KRT33B: variants seen among roughly 807,000 people sequenced by gnomAD.
KRT33B encodes keratin 33B.
A neutral mutation model predicts 42.7 loss-of-function variants in KRT33B; 37 were observed. The observed-to-expected ratio is 0.87, with a 90% CI of 0.67 to 1.14. KRT33B has a LOEUF of 1.14. KRT33B is among the 50% of genes most tolerant of loss of function. KRT33B has a pLI of 0.00. For missense variants in KRT33B, 523 were observed against 515.1 expected, an observed-to-expected ratio of 1.02 and a Z score of -0.15; for synonymous variants, 237 against 221.2, an observed-to-expected ratio of 1.07 and a Z score of -0.63.
intron 2 of KRT33B, among the ~76,000 whole-genome samples, chr17:41,367,299 G>A (rs2017712963): frequency 6.6e-6 from 1 of 151,344 alleles, no homozygotes; most frequent in Admixed American, 6.6e-5. Flanking sequence ...TCTTTTTGGG[G>A]GGTTGACAGT....
chr17:41,369,291 T>C, intron 1 of KRT33B, 112 bp downstream of exon 1: 2 of 1,402,044 alleles, frequency 1.4e-6, no homozygotes, highest in Non-Finnish European at 9.6e-7. Flanking sequence ...TGAATCTATG[T>C]CTTTATCATT....
intron 3 of KRT33B, 63 bp downstream of exon 3, chr17:41,366,407 T>C: frequency 5.7e-6 from 9 of 1,587,362 alleles, no homozygotes; most frequent in Non-Finnish European, 6.9e-6. Context: ...AAATCCTACC[T>C]TATCCTATTC....
rs2017675299 is a variant in KRT33B at position 41,364,920 on chromosome 17, GTGATCAGGCTC to G, written c.945_955del (p.Gln315HisfsTer13). The G allele has an allele frequency of 6.2e-7, 1 of 1,613,326 alleles. No homozygotes were observed. Among genetic ancestry groups the G allele is most frequent in the Non-Finnish European group, 8.5e-7 (1 of 1,180,056 alleles). The stretch of plus-strand genomic sequence containing the variant: ...CTCCGCCAGCTGGGACTCCACGTTG[GTGATCAGGCTC>G]TGCACCTGGGACAGCTGGGAGCTGT... On this transcript the variant is annotated frameshift_variant, in exon 6 of 7. Transcript: ENST00000251646. LOFTEE classifies it high-confidence loss of function.
intron 2 of KRT33B, among the ~76,000 whole-genome samples, chr17:41,367,254 T>A (rs542131884): frequency 1.3e-5 from 2 of 151,528 alleles, no homozygotes; most frequent in East Asian, 3.9e-4. Flanking sequence ...TGAAAGGCAA[T>A]GGATTTTGCC....
chr17:41,368,093 G>C, intron 1 of KRT33B, 103 bp from the exon 2 acceptor site: 1 of 1,095,842 alleles, frequency 9.1e-7, no homozygotes, highest in Admixed American at 1.8e-5. Context: ...AAATAGCTTT[G>C]AGTCCTTTCA....
At position 41,369,753 on chromosome 17, in the gene KRT33B, T is replaced by A; in HGVS notation, c.-3A>T. 6.2e-7 allele frequency: 1 copy of A among 1,612,332 alleles called. No individual in the cohort carries two copies. Among genetic ancestry groups the A allele is most frequent in the Non-Finnish European group, 8.5e-7 (1 of 1,178,834 alleles). ...GGCAGGCAGAAGTTGTAGGGCATGG[T>A]GCAGGGAGGCAGTGGAGCTCTGGAA... On this transcript the variant is annotated 5_prime_UTR_variant, in exon 1 of 7. Transcript: ENST00000251646.
Position 41,364,839 on chromosome 17 carries a change from C to G in KRT33B, c.1037G>C (p.Arg346Pro), listed in dbSNP as rs777408710. ...GTTGATCTCACACTCCAGCCGCGCC[C>G]GCACGTCCAGCAGCACCTGATACTC... ...NQEYQVLLDVRARLECEINTY... is the reference protein window; with the variant it reads ...NQEYQVLLDVPARLECEINTY... Residue 346 changes from arginine (R) to proline (P), a missense_variant, in exon 6 of 7, where the codon CGG becomes CCG. Coordinates refer to ENST00000251646, the MANE Select transcript of KRT33B (RefSeq NM_002279.5). 7 of 1,612,620 alleles carry G rather than the reference C, an allele frequency of 4.3e-6. No individual in the cohort carries two copies. Among genetic ancestry groups the G allele is most frequent in the Non-Finnish European group, 5.1e-6 (6 of 1,179,950 alleles).
intron 2 of KRT33B, 32 bp from the exon 3 acceptor site, chr17:41,366,658 CA>C (rs376556140): frequency 0.045 from 44,221 of 978,786 alleles, 188 homozygotes; most frequent in South Asian, 0.081. Context: ...AAAAGAGGTC[CA>C]AAAAAAAAAA....
At chr17:41,365,136 A>C in intron 5 of KRT33B, 39 bp downstream of exon 5, 1 of 1,609,840 alleles carries the variant, frequency 6.2e-7, no homozygotes, top group East Asian at 2.2e-5. Flanking sequence ...CTGCCTCCCA[A>C]GTTCCCATCG....
At chr17:41,366,134 G>A (rs1411810431) in intron 3 of KRT33B, among the ~76,000 whole-genome samples, 1 of 151,104 alleles carries the variant, frequency 6.6e-6, no homozygotes, top group Non-Finnish European at 1.5e-5. Flanking sequence ...GTGTAAGAAT[G>A]TTTTCTATCT....
chr17:41,365,231 C>T lies in KRT33B; in HGVS notation c.820G>A (p.Glu274Lys). Reference protein sequence around the residue: ...QLQSYQAEIIELRRTVNALEI... With the variant: ...QLQSYQAEIIKLRRTVNALEI... ...AGGGCATTGACTGTGCGTCTCAGCT[C>T]GATGATCTCCGCCTGGTAGGACTGC... The change falls in exon 5 of 7, where the codon GAG becomes AAG. Residue 274 changes from glutamate (E) to lysine (K), a missense_variant. Glu to Lys is a moderately conservative substitution (Grantham distance 56). Coordinates refer to ENST00000251646, the MANE Select transcript of KRT33B (RefSeq NM_002279.5). 3 of 1,612,008 alleles carry T rather than the reference C, an allele frequency of 1.9e-6. No individual in the cohort carries two copies. The South Asian group carries it at 3.3e-5, about 18-fold the overall frequency.
rs1343961258 is a variant in KRT33B at position 41,364,850 on chromosome 17, C to A, written c.1026G>T (p.Leu342=). ...LERQNQEYQV[L]LDVRARLECE... is the part of the protein sequence containing the mutation. ...ACTCCAGCCGCGCCCGCACGTCCAG[C>A]AGCACCTGATACTCCTGGTTCTGCC... The change falls in exon 6 of 7, where the codon CTG becomes CTT. Residue 342 remains leucine, a synonymous_variant. Transcript: ENST00000251646. The A allele has an allele frequency of 6.2e-7, 1 of 1,613,228 alleles. No individual in the cohort carries two copies. Among genetic ancestry groups the A allele is most frequent in the East Asian group, 2.2e-5 (1 of 44,872 alleles).
intron 3 of KRT33B, among the ~76,000 whole-genome samples, chr17:41,366,194 A>G (rs2017698634): frequency 6.6e-6 from 1 of 151,276 alleles, no homozygotes; most frequent in Admixed American, 6.6e-5. Context: ...AGAAGCTAAT[A>G]GATAGCATCA....
rs780901771 is a variant in KRT33B at position 41,364,929 on chromosome 17, C to T, written c.947G>A (p.Ser316Asn). Reference sequence around the variant, plus strand: ...CTGGGACTCCACGTTGGTGATCAGGCTCTGCACCTGGGACAGCTGGGAGCT... The same window carrying T: ...CTGGGACTCCACGTTGGTGATCAGGTTCTGCACCTGGGACAGCTGGGAGCT... ...RYSSQLSQVQ[S>N]LITNVESQLA... The change falls in exon 6 of 7, where the codon AGC (serine) becomes AAC (asparagine). Residue 316 changes from serine (S) to asparagine (N), a missense_variant. Ser to Asn is a conservative substitution (Grantham distance 46, BLOSUM62 1). Coordinates refer to ENST00000251646, the MANE Select transcript of KRT33B (RefSeq NM_002279.5). 6.2e-6 allele frequency: 10 copies of T among 1,613,448 alleles called. No homozygotes were observed. The East Asian group carries it at 2.2e-4, about 36-fold the overall frequency.
rs781502991 is a variant in KRT33B at position 41,369,574 on chromosome 17, A to G, written c.177T>C (p.Thr59=). The G allele has an allele frequency of 5.6e-6, 9 of 1,613,682 alleles. No individual in the cohort carries two copies. In the African/African-American group the frequency reaches 8.0e-5, roughly 14 times the overall value. ...CCAGGCGGTCGTTCAGGAACTGCAT[A>G]GTCTCCTTCTCGCTGCCATTGAAGG... ...EGSFNGSEKE[T]MQFLNDRLAS... Residue 59 remains threonine (T), a synonymous_variant, in exon 1 of 7, where the codon ACT becomes ACC. Coordinates refer to ENST00000251646, the MANE Select transcript of KRT33B (RefSeq NM_002279.5).
chr17:41,367,984 A>C lies in KRT33B; in HGVS notation c.355T>G (p.Cys119Gly), dbSNP rs765093351. The change falls in exon 2 of 7, where the codon TGC (cysteine) becomes GGC (glycine). Residue 119 changes from cysteine (C) to glycine (G), a missense_variant. Physicochemically the swap from Cys to Gly is radical, Grantham distance 159. Coordinates refer to ENST00000251646, the MANE Select transcript of KRT33B (RefSeq NM_002279.5). ...AGCCTGGCATTCTCAGACTTGCTGCACAGGATCTGGGGATAGGATTAATCA... is the reference window on the plus strand; with the variant it reads ...AGCCTGGCATTCTCAGACTTGCTGCCCAGGATCTGGGGATAGGATTAATCA... Reference protein sequence around the residue: ...TIEELQQKILCSKSENARLVV... With the variant: ...TIEELQQKILGSKSENARLVV... 1.9e-6 allele frequency: 3 copies of C among 1,613,092 alleles called. No homozygotes were observed. The South Asian group carries it at 3.3e-5, about 18-fold the overall frequency.
chr17:41,365,450 T>G lies in KRT33B; in HGVS notation c.692A>C (p.Gln231Pro). 6.2e-7 allele frequency: 1 copy of G among 1,613,098 alleles called. No homozygotes were observed. The highest frequency in any genetic ancestry group is 8.5e-7 in the Non-Finnish European group (1 of 1,180,024). Reference protein sequence around the residue: ...LNQVLNETRNQYEALVETNRR... With the variant: ...LNQVLNETRNPYEALVETNRR... ...GTTGGTTTCCACCAGGGCCTCATAC[T>G]GATTCCTGGTCTCGTTCAGGACCTG... The change falls in exon 4 of 7, where the codon CAG (glutamine) becomes CCG (proline). Residue 231 changes from glutamine (Q) to proline (P), a missense_variant. Gln to Pro is a moderately conservative substitution (Grantham distance 76, BLOSUM62 -1). Transcript: ENST00000251646.
Position 41,363,639 on chromosome 17 carries a change from G to T in KRT33B, c.*197C>A, listed in dbSNP as rs2017650290. On this transcript the variant is annotated 3_prime_UTR_variant, in exon 7 of 7. Coordinates refer to ENST00000251646, the MANE Select transcript of KRT33B (RefSeq NM_002279.5). ...GAACTCAGACTGACTACAGGAGAGGGACCTGGGGTGAGGAGGATCAAGTAG... is the reference window on the plus strand; with the variant it reads ...GAACTCAGACTGACTACAGGAGAGGTACCTGGGGTGAGGAGGATCAAGTAG... 4.2e-6 allele frequency: 2 copies of T among 478,094 alleles called. No homozygotes were observed. The highest frequency in any genetic ancestry group is 7.4e-6 in the Non-Finnish European group (2 of 268,570). The allele number at this position is 478,094 out of a possible 1,614,324, so 29.6% of individuals were successfully genotyped here.
In KRT33B at chr17:41,369,671, T is replaced by G. The variant is rs941927555; in HGVS notation, c.80A>C (p.His27Pro). The G allele has an allele frequency of 6.2e-7, 1 of 1,613,910 alleles. No individual in the cohort carries two copies. The highest frequency in any genetic ancestry group is 2.2e-5 in the East Asian group (1 of 44,870). The part of the protein sequence containing the change: ...SSRPCVPPSC[H>P]GYTLPGACNI... ...GCAGGCCCCGGGCAGGGTGTAGCCG[T>G]GGCAGCTGGGGGGCACACAGGGCCG... Residue 27 changes from histidine (H) to proline (P), a missense_variant, in exon 1 of 7, where the codon CAC becomes CCC. Coordinates refer to ENST00000251646, the MANE Select transcript of KRT33B (RefSeq NM_002279.5).
Sources: gnomAD v4.1 joint callset for allele counts (sites outside exome capture counted in the v4.1 genomes callset) on GRCh38, gnomAD v4.1.1 for gene constraint, MANE v1.5 for transcripts, NCBI Gene and HGNC (gene_info 2026-07-23, HGNC 2026-07-21) for gene names.